Variants in RALGAPB observed in about 807,000 individuals in gnomAD.
RALGAPB encodes the protein ral GTPase-activating protein subunit beta.
Under a neutral mutation model 161.1 loss-of-function variants are expected in RALGAPB, and 25 were observed. The ratio of observed to expected loss-of-function variants is 0.16; its 90% CI spans 0.11 to 0.22. RALGAPB has a LOEUF of 0.22. RALGAPB is among the 10% of genes least tolerant of loss of function. RALGAPB has a pLI of 1.00. For synonymous variants in RALGAPB, 629 were observed against 626.1 expected, an observed-to-expected ratio of 1.00 and a Z score of -0.07; for missense variants, 1,391 against 1,815.2, an observed-to-expected ratio of 0.77 and a Z score of 4.25.
chr20:38,522,707 T>C (rs2086327274), intron 10 of RALGAPB, among the ~76,000 whole-genome samples: 2 of 152,162 alleles, frequency 1.3e-5, no homozygotes, highest in African/African-American at 2.4e-5. Context: ...AAAAGAATGG[T>C]ATATACAGGC....
At chr20:38,503,311 A>G (rs937317980) in intron 5 of RALGAPB, among the ~76,000 whole-genome samples, 3 of 152,290 alleles carry the variant, frequency 2.0e-5, no homozygotes, top group Middle Eastern at 3.4e-3. Context: ...AGGGGCCAGC[A>G]CCTCTAGTCC....
At position 38,518,858 on chromosome 20, in the gene RALGAPB, A is replaced by G. The variant is rs890458838; in HGVS notation, c.1417+858A>G. The stretch of plus-strand genomic sequence containing the variant: ...GTTGGAAATAGATCAAGACAAAAAG[A>G]TGTCTAATTAGTTTATGTATCTCTA... On this transcript the variant is annotated intron_variant, in intron 9 of 29. Transcript: ENST00000262879. Among the ~76,000 whole-genome samples, 4 of 152,218 alleles carry G rather than the reference A, an allele frequency of 2.6e-5. No individual in the cohort carries two copies. In the South Asian group the frequency reaches 6.2e-4, roughly 24 times the overall value.
At chr20:38,557,851 G>A (rs2087642244) in intron 22 of RALGAPB, among the ~76,000 whole-genome samples, 1 of 152,238 alleles carries the variant, frequency 6.6e-6, no homozygotes, top group Non-Finnish European at 1.5e-5. Context: ...ACATTTGTGT[G>A]CAGGCTTTTG....
At chr20:38,568,786 TTG>T (rs1319525741) in intron 26 of RALGAPB, 1 of 152,160 alleles carries the variant, frequency 6.6e-6, no homozygotes, top group Non-Finnish European at 1.5e-5. Context: ...TGGGTGGAAC[TTG>T]TGACTATGAT....
rs1249102182 is a variant in RALGAPB, at chr20:38,493,144, C to T, written c.389+12C>T. On this transcript the variant is annotated intron_variant, in intron 3 of 29. Transcript: ENST00000262879. ...CTTTTTGTACCAAGGTAAGCTATACCTGTCTATCTGGCCCATTATCAGGGT... is the reference window on the plus strand; with the variant it reads ...CTTTTTGTACCAAGGTAAGCTATACTTGTCTATCTGGCCCATTATCAGGGT... The T allele has an allele frequency of 1.7e-5, 27 of 1,567,116 alleles. No homozygotes were observed. The highest frequency in any genetic ancestry group is 2.3e-5 in the Non-Finnish European group (26 of 1,141,374).
intron 6 of RALGAPB, among the ~76,000 whole-genome samples, chr20:38,513,720 T>C (rs1432296007): frequency 6.6e-6 from 1 of 152,120 alleles, no homozygotes; most frequent in Non-Finnish European, 1.5e-5. Context: ...TATTTTTGGA[T>C]CCATTTAAGC....
intron 6 of RALGAPB, among the ~76,000 whole-genome samples, chr20:38,514,980 C>T (rs1232480849): frequency 1.3e-5 from 2 of 152,216 alleles, no homozygotes; most frequent in Non-Finnish European, 2.9e-5. Flanking sequence ...TCCTGGTTTA[C>T]CTCTGGAGAA....
chr20:38,539,916 C>G lies in RALGAPB; in HGVS notation c.2520C>G (p.Leu840=). 1 of 1,614,044 alleles carries G rather than the reference C, an allele frequency of 6.2e-7. No homozygotes were observed. Among genetic ancestry groups the G allele is most frequent in the African/African-American group, 1.3e-5 (1 of 75,032 alleles). Reference sequence around the variant, plus strand: ...TGATAGTGGCAGCTTTTCAGTGTCTCTGTGTCTGGCTGACAGAGCACCCTG... The same window carrying G: ...TGATAGTGGCAGCTTTTCAGTGTCTGTGTGTCTGGCTGACAGAGCACCCTG... The part of the protein sequence containing the change: ...HSMIVAAFQC[L]CVWLTEHPDM... The change falls in exon 17 of 30, where the codon CTC becomes CTG. Residue 840 remains leucine, a synonymous_variant. Transcript: ENST00000262879.
At chr20:38,574,366 G>T in intron 29 of RALGAPB, 68 bp downstream of exon 29, 1 of 1,477,676 alleles carries the variant, frequency 6.8e-7, no homozygotes. Flanking sequence ...AAACCAAAAA[G>T]AAGTAAAAAT....
chr20:38,477,658 C>T (rs1273212355), intron 1 of RALGAPB, among the ~76,000 whole-genome samples: 1 of 152,104 alleles, frequency 6.6e-6, no homozygotes, highest in African/African-American at 2.4e-5. Context: ...TTTTAGCACC[C>T]TGTATCCTAT....
intron 22 of RALGAPB, among the ~76,000 whole-genome samples, chr20:38,554,628 T>C (rs2087511202): frequency 6.6e-6 from 1 of 152,204 alleles, no homozygotes; most frequent in African/African-American, 2.4e-5. Flanking sequence ...TAGTTCCTCA[T>C]CATCTATAAA....
chr20:38,484,014 A>G (rs2085048147), intron 1 of RALGAPB, among the ~76,000 whole-genome samples: 1 of 152,010 alleles, frequency 6.6e-6, no homozygotes, highest in Non-Finnish European at 1.5e-5. Context: ...TATGGTGAAT[A>G]CTAAAAATAC....
chr20:38,481,199 C>A (rs1331158121), intron 1 of RALGAPB, among the ~76,000 whole-genome samples: 1 of 152,222 alleles, frequency 6.6e-6, no homozygotes, highest in Non-Finnish European at 1.5e-5. Flanking sequence ...CAAAAGTAAT[C>A]TTTTTCCTTT....
intron 13 of RALGAPB, among the ~76,000 whole-genome samples, chr20:38,526,675 A>G (rs1327198452): frequency 1.3e-5 from 2 of 152,158 alleles, no homozygotes; most frequent in African/African-American, 4.8e-5. Context: ...ACCTGAAATT[A>G]TCTTGTTTGC....
intron 23 of RALGAPB, 149 bp downstream of exon 23, chr20:38,558,602 G>A (rs1359569208): frequency 3.1e-6 from 2 of 643,906 alleles, no homozygotes; most frequent in Non-Finnish European, 4.7e-6. Context: ...GTGCTTCCAA[G>A]AACAAAGGAG....
At chr20:38,525,195 G>C (rs1003272312) in intron 11 of RALGAPB, among the ~76,000 whole-genome samples, 3 of 152,144 alleles carry the variant, frequency 2.0e-5, no homozygotes, top group Non-Finnish European at 1.5e-5. Context: ...CAACACAGAG[G>C]TCTTACCTTT....
At chr20:38,497,124 C>G (rs1040521673) in intron 3 of RALGAPB, among the ~76,000 whole-genome samples, 2 of 152,174 alleles carry the variant, frequency 1.3e-5, no homozygotes, top group African/African-American at 4.8e-5. Flanking sequence ...GCCTTCCTCC[C>G]AGAAGCTTTC....
At chr20:38,511,619 G>A (rs2085957246) in intron 6 of RALGAPB, among the ~76,000 whole-genome samples, 1 of 152,166 alleles carries the variant, frequency 6.6e-6, no homozygotes. Flanking sequence ...AGTTGACACA[G>A]CACATGTTTT....
intron 5 of RALGAPB, among the ~76,000 whole-genome samples, chr20:38,506,211 A>C (rs1600882666): frequency 6.6e-6 from 1 of 152,170 alleles, no homozygotes; most frequent in Non-Finnish European, 1.5e-5. Context: ...GGGCTTGAGC[A>C]TCCGTGGATT....
Sources: allele counts gnomAD v4.1 joint callset (sites outside exome capture counted in the v4.1 genomes callset), GRCh38; gene constraint gnomAD v4.1.1; transcripts MANE v1.5; gene names NCBI Gene and HGNC (gene_info 2026-07-23, HGNC 2026-07-21).